The following TRPM2 variants were observed in gnomAD, a reference collection of about 807,000 sequenced individuals.
TRPM2 encodes estrogen-responsive element-associated gene 1 protein.
A neutral mutation model predicts 174.0 loss-of-function variants in TRPM2; 161 were observed. The observed-to-expected ratio is 0.93, with a 90% confidence interval of 0.81 to 1.05. TRPM2 has a LOEUF of 1.05. Among genes scored for constraint, TRPM2 ranks in the 50% least tolerant of loss-of-function variants. The pLI, the probability that TRPM2 is intolerant of heterozygous loss-of-function variation, is 0.00. For synonymous variants in TRPM2, 954 were observed against 861.3 expected, an observed-to-expected ratio of 1.11 and a Z score of -1.88; for missense variants, 2,057 against 2,038.0, an observed-to-expected ratio of 1.01 and a Z score of -0.18.
In TRPM2 at chr21:44,439,662, G is replaced by A. The variant is rs1469062795; in HGVS notation, c.4269+494G>A. On this transcript the variant is annotated intron_variant, in intron 30 of 31. Transcript: ENST00000397928. This position sits in a 1 kb window ranked among gnomAD's most constrained non-coding sequence, Gnocchi z 5.1. ...TTTTATTTACTTCTTTAGAAACCTC[G>A]ATCTTTCCTTAGAAAGCCTCCATCT... is the stretch of plus-strand genomic sequence containing the variant. Among the ~76,000 whole-genome samples the A allele has an allele frequency of 2.0e-5, 3 of 152,098 alleles. No individual in the cohort carries two copies. The highest frequency in any genetic ancestry group is 2.9e-5 in the Non-Finnish European group (2 of 68,018).
intron 27 of TRPM2, among the ~76,000 whole-genome samples, chr21:44,429,365 A>T (rs776064739): frequency 4.0e-4 from 52 of 130,698 alleles, no homozygotes; most frequent in Non-Finnish European, 6.7e-4. Flanking sequence ...TTGGCTCACT[A>T]CAACCTCTGC....
At chr21:44,357,660 C>G in intron 2 of TRPM2, among the ~76,000 whole-genome samples, 1 of 152,154 alleles carries the variant, frequency 6.6e-6, no homozygotes, top group East Asian at 1.9e-4. Context: ...TGCATGGCAA[C>G]CACCCAAATC....
At chr21:44,378,421 G>A (rs1209287443) in intron 7 of TRPM2, among the ~76,000 whole-genome samples, 2 of 152,240 alleles carry the variant, frequency 1.3e-5, no homozygotes, top group East Asian at 3.8e-4. Flanking sequence ...GGTCAAAACA[G>A]AGCCTTGGGG....
At position 44,377,761 on chromosome 21, in the gene TRPM2, G is replaced by A. The variant is rs775232467; in HGVS notation, c.1002G>A (p.Pro334=). ...TGTGCGTGGTGCTGGAGGGCGGCCC[G>A]GGCACGTTGCACGTGAGTATGGCCA... ...PIVCVVLEGG[P]GTLHTIDNAT... is the part of the protein sequence containing the mutation. The change falls in exon 7 of 32, where the codon CCG becomes CCA. Residue 334 remains proline, a synonymous_variant. Coordinates refer to ENST00000397928, the MANE Select transcript of TRPM2 (RefSeq NM_003307.4). The A allele has an allele frequency of 2.4e-5, 38 of 1,614,024 alleles. No individual in the cohort carries two copies. The Admixed American group carries it at 4.8e-4, about 21-fold the overall frequency.
chr21:44,363,068 C>T (rs968660679), intron 2 of TRPM2, among the ~76,000 whole-genome samples: 5 of 151,694 alleles, frequency 3.3e-5, no homozygotes, highest in Non-Finnish European at 5.9e-5. Flanking sequence ...CACTGCGCCT[C>T]GCCGCTTTTA....
chr21:44,396,558 C>A (rs1370029307), intron 12 of TRPM2, among the ~76,000 whole-genome samples: 1 of 11,936 alleles, frequency 8.4e-5, no homozygotes. Flanking sequence ...GGTGTGGAGG[C>A]TGTGAAGGGG....
chr21:44,352,453 C>T (rs1223416411), upstream of TRPM2, among the ~76,000 whole-genome samples: 1 of 152,230 alleles, frequency 6.6e-6, no homozygotes, highest in East Asian at 1.9e-4. Flanking sequence ...GGCTCAGTCA[C>T]CTAATGTGAT....
chr21:44,380,927 C>A (rs542836964), intron 8 of TRPM2, among the ~76,000 whole-genome samples: 2 of 151,750 alleles, frequency 1.3e-5, no homozygotes, highest in Admixed American at 1.3e-4. Context: ...GAGGACAGGG[C>A]GGGCTGAAGT....
chr21:44,366,902 G>C lies in TRPM2; in HGVS notation c.572G>C (p.Arg191Pro). 6.2e-7 allele frequency: 1 copy of C among 1,608,580 alleles called. No homozygotes were observed. The highest frequency in any genetic ancestry group is 8.5e-7 in the Non-Finnish European group (1 of 1,176,684). Reference protein sequence around the residue: ...NMKPRLKSIFRRGLVKVAQTT... With the variant: ...NMKPRLKSIFPRGLVKVAQTT... ...AAGCCGCGGCTGAAGAGCATTTTCC[G>C]CAGAGGCCTGGTCAAGGTGGCTCAG... The change falls in exon 4 of 32, where the codon CGC becomes CCC. Residue 191 changes from arginine (R) to proline (P), a missense_variant. Physicochemically the swap from Arg to Pro is moderately radical, Grantham distance 103 (BLOSUM62 -2). Coordinates refer to ENST00000397928, the MANE Select transcript of TRPM2 (RefSeq NM_003307.4). This position sits in a 1 kb window ranked among gnomAD's most constrained non-coding sequence, Gnocchi z 6.0.
chr21:44,428,100 A>C (rs1466228582), intron 27 of TRPM2, among the ~76,000 whole-genome samples: 1 of 152,092 alleles, frequency 6.6e-6, no homozygotes, highest in East Asian at 1.9e-4. Context: ...GCAGAAGAGC[A>C]CTTTCTGTAT....
chr21:44,391,580 C>G lies in TRPM2; in HGVS notation c.1749C>G (p.Asn583Lys), dbSNP rs201888774. The change falls in exon 11 of 32, where the codon AAC becomes AAG. Residue 583 changes from asparagine to lysine, a missense_variant. Transcript: ENST00000397928. This position sits in a 1 kb window ranked among gnomAD's most constrained non-coding sequence, Gnocchi z 5.0. ...CGCTTTATCCCCGGCCCCGGCACAACGACCGGCTGCGGCTCCTGCTGCCCG... is the reference window on the plus strand; with the variant it reads ...CGCTTTATCCCCGGCCCCGGCACAAGGACCGGCTGCGGCTCCTGCTGCCCG... Reference protein sequence around the residue: ...TQPLYPRPRHNDRLRLLLPVP... With the variant: ...TQPLYPRPRHKDRLRLLLPVP... The G allele has an allele frequency of 1.9e-6, 3 of 1,589,696 alleles. No individual in the cohort carries two copies. Among genetic ancestry groups the G allele is most frequent in the Middle Eastern group, 1.7e-4 (1 of 5,782 alleles).
intron 5 of TRPM2, among the ~76,000 whole-genome samples, chr21:44,369,932 C>T (rs1282146796): frequency 9.4e-5 from 7 of 74,282 alleles, no homozygotes; most frequent in Admixed American, 1.6e-4. Context: ...GAGTTCTGAC[C>T]GGGTGCTGCG....
chr21:44,406,129 G>C, intron 18 of TRPM2, 92 bp downstream of exon 18: 1 of 1,501,100 alleles, frequency 6.7e-7, no homozygotes, highest in Non-Finnish European at 9.0e-7. Context: ...TCGGACTGGG[G>C]CTTAAACACA....
At chr21:44,355,347 G>A (rs188049714) in intron 2 of TRPM2, among the ~76,000 whole-genome samples, 7 of 152,344 alleles carry the variant, frequency 4.6e-5, no homozygotes, top group South Asian at 2.1e-4. Context: ...CTTTAGGCAC[G>A]GACAGAGTGT....
chr21:44,405,348 C>A, intron 17 of TRPM2, 88 bp downstream of exon 17: 1 of 1,568,796 alleles, frequency 6.4e-7, no homozygotes. Flanking sequence ...ACCAGCCACA[C>A]CGGGTGAGGC....
intron 19 of TRPM2, among the ~76,000 whole-genome samples, chr21:44,409,149 T>G (rs1470099978): frequency 2.0e-5 from 3 of 152,214 alleles, no homozygotes; most frequent in African/African-American, 7.2e-5. Context: ...TTTGAAATTT[T>G]GATGATGTTC....
Position 44,441,748 on chromosome 21 carries a change from C to T in TRPM2, c.4443C>T (p.Arg1481=), listed in dbSNP as rs1267900828. 1.2e-6 allele frequency: 2 copies of T among 1,612,336 alleles called. No individual in the cohort carries two copies. The highest frequency in any genetic ancestry group is 1.1e-5 in the South Asian group (1 of 90,528). Residue 1481 remains arginine, a synonymous_variant, in exon 32 of 32, where the codon CGC becomes CGT. Transcript: ENST00000397928. ...ASIRWQVVDR[R]IPLYANHKTL... ...TCCGATGGCAGGTGGTGGACAGGCG[C>T]ATCCCACTCTATGCGAACCACAAGA...
At chr21:44,394,609 G>A (rs977082941) in intron 11 of TRPM2, among the ~76,000 whole-genome samples, 4 of 151,548 alleles carry the variant, frequency 2.6e-5, no homozygotes, top group African/African-American at 9.7e-5. Context: ...GTGAGCCACC[G>A]TGCCAGGCCG....
intron 5 of TRPM2, among the ~76,000 whole-genome samples, chr21:44,370,548 C>G (rs1309969879): frequency 6.6e-6 from 1 of 152,184 alleles, no homozygotes; most frequent in Non-Finnish European, 1.5e-5. Flanking sequence ...GAACACTGGC[C>G]TGTGACTCAC....
Sources: allele counts gnomAD v4.1 joint callset (sites outside exome capture counted in the v4.1 genomes callset), GRCh38; gene constraint gnomAD v4.1.1; non-coding constraint Gnocchi (gnomAD v3.1); transcripts MANE v1.5; gene names NCBI Gene and HGNC (gene_info 2026-07-23, HGNC 2026-07-21).